Variants in TNNI1 observed in about 807,000 individuals in gnomAD.
TNNI1 encodes the protein troponin I, slow skeletal muscle.
TNNI1 carries 14 observed loss-of-function variants against 26.7 expected under a neutral mutation model. That is an observed-to-expected ratio of 0.52 (90% CI 0.35 to 0.82). The LOEUF is 0.82. TNNI1 is among the 40% of genes least tolerant of loss of function. The probability of loss-of-function intolerance (pLI) is 0.01; values close to 1 mark genes in which losing one functional copy is unlikely to be tolerated. For missense variants in TNNI1, 164 were observed against 257.0 expected (o/e 0.64, Z 2.47); for synonymous variants, 79 against 98.2 (o/e 0.80, Z 1.16).
chr1:201,413,315 A>G (rs1216013883), intron 5 of TNNI1, among the ~76,000 whole-genome samples, 194 bp from the exon 6 acceptor site: 3 of 152,202 alleles, frequency 2.0e-5, no homozygotes, highest in Non-Finnish European at 4.4e-5. Context: ...TCTGAATGTC[A>G]TGATTTCTTA....
intron 3 of TNNI1, among the ~76,000 whole-genome samples, chr1:201,416,289 A>C (rs1050763218): frequency 2.6e-5 from 4 of 152,216 alleles, no homozygotes; most frequent in African/African-American, 9.7e-5. Flanking sequence ...ACCATGGTTT[A>C]CACACTGTAA....
At position 201,421,672 on chromosome 1, in the gene TNNI1, C is replaced by T. The variant is rs1276007611; in HGVS notation, c.-20+1G>A. On this transcript the variant is annotated splice_donor_variant, in intron 1 of 8. Coordinates refer to ENST00000361379, the MANE Select transcript of TNNI1 (RefSeq NM_003281.4). LOFTEE classifies it low-confidence loss of function (5UTR_SPLICE). ...TGAAGTTCTGGGCTGCAGACGCTTA[C>T]CTTGTTCAGTCCTCGTGGAGCTGGG... The T allele has an allele frequency of 6.6e-6, 1 of 152,246 alleles. No individual in the cohort carries two copies. Among genetic ancestry groups the T allele is most frequent in the African/African-American group, 2.4e-5 (1 of 41,454 alleles). The allele number at this position is 152,246 out of a possible 1,614,324, so 9.4% of individuals were successfully genotyped here. A position where few individuals can be genotyped will look rare whatever the true frequency, so the allele number is the denominator to read the frequency against.
At chr1:201,415,397 A>C in intron 3 of TNNI1, 143 bp from the exon 4 acceptor site, 16 of 826,686 alleles carry the variant, frequency 1.9e-5, no homozygotes, top group Non-Finnish European at 3.1e-5. Flanking sequence ...TTAAAAGCTC[A>C]TCTTTGTTAT....
At chr1:201,420,432 C>G (rs372953042) in intron 1 of TNNI1, among the ~76,000 whole-genome samples, 4 of 152,072 alleles carry the variant, frequency 2.6e-5, no homozygotes, top group African/African-American at 9.7e-5. Context: ...AAATCCTCCC[C>G]CCGAGGGGGG....
rs540148803 is a variant in TNNI1 at position 201,411,109 on chromosome 1, C to G, written c.456+248G>C. 6.6e-6 allele frequency among the ~76,000 whole-genome samples: 1 copy of G among 152,356 alleles called. No individual in the cohort carries two copies. Among genetic ancestry groups the G allele is most frequent in the East Asian group, 1.9e-4 (1 of 5,190 alleles). On this transcript the variant is annotated intron_variant, in intron 7 of 8. Coordinates refer to ENST00000361379, the MANE Select transcript of TNNI1 (RefSeq NM_003281.4). The surrounding 1 kb of genome is among the most constrained non-coding windows in gnomAD (Gnocchi z 4.6). ...TGGGAACAAGATTTTTACTTCATTTCTCCGTCTGGGGTCTAGCTTTCTTTA... is the reference window on the plus strand; with the variant it reads ...TGGGAACAAGATTTTTACTTCATTTGTCCGTCTGGGGTCTAGCTTTCTTTA...
chr1:201,417,165 G>A lies in TNNI1; in HGVS notation c.12-46C>T, dbSNP rs74136616. 4.4e-3 allele frequency: 7,057 copies of A among 1,613,476 alleles called. 200 individuals carry two copies. The African/African-American group carries it at 0.074, about 17-fold the overall frequency. On this transcript the variant is annotated intron_variant, in intron 2 of 8. Coordinates refer to ENST00000361379, the MANE Select transcript of TNNI1 (RefSeq NM_003281.4). ...AAGGACGGGGAAAGAGCAGAACACAGAGTGAGTATGAACAATGAGGATTAC... is the reference window on the plus strand; with the variant it reads ...AAGGACGGGGAAAGAGCAGAACACAAAGTGAGTATGAACAATGAGGATTAC...
rs891245362 is a variant in TNNI1, at chr1:201,407,655, G to A, written c.*1598C>T. 2 of 152,222 alleles carry A rather than the reference G, an allele frequency of 1.3e-5. No homozygotes were observed. The highest frequency in any genetic ancestry group is 2.9e-5 in the Non-Finnish European group (2 of 68,064). The allele number at this position is 152,222 out of a possible 1,614,324, so 9.4% of individuals were successfully genotyped here. ...GATAACTCAGCCCCTCCTAGGGCCA[G>A]TGCTAGGGTGGTCGAAAAGCCAAGG... On this transcript the variant is annotated 3_prime_UTR_variant, in exon 9 of 9. Coordinates refer to ENST00000361379, the MANE Select transcript of TNNI1 (RefSeq NM_003281.4).
At chr1:201,420,554 T>C (rs1047047214) in intron 1 of TNNI1, among the ~76,000 whole-genome samples, 1 of 151,982 alleles carries the variant, frequency 6.6e-6, no homozygotes, top group Non-Finnish European at 1.5e-5. Context: ...TGTGTGTAAG[T>C]GTGTGTAAGT....
chr1:201,410,374 C>A lies in TNNI1; in HGVS notation c.518G>T (p.Gly173Val). The change falls in exon 8 of 9, where the codon GGC (glycine) becomes GTC (valine). Residue 173 changes from glycine to valine, a missense_variant. Physicochemically the swap from Gly to Val is moderately radical, Grantham distance 109 (BLOSUM62 -3). Coordinates refer to ENST00000361379, the MANE Select transcript of TNNI1 (RefSeq NM_003281.4). The part of the protein sequence containing the change: ...KNVEAMSGME[G>V]RKKMFDAAKS... ...GGCGGCATCAAACATCTTCTTCCGG[C>A]CTTCCATGCCAGACATGGCCTCCAC... 2 of 1,614,176 alleles carry A rather than the reference C, an allele frequency of 1.2e-6. No homozygotes were observed. Among genetic ancestry groups the A allele is most frequent in the Non-Finnish European group, 1.7e-6 (2 of 1,180,036 alleles).
At chr1:201,417,326 C>T (rs978938671) in intron 2 of TNNI1, among the ~76,000 whole-genome samples, 4 of 152,118 alleles carry the variant, frequency 2.6e-5, no homozygotes, top group African/African-American at 9.7e-5. Context: ...AATTCAACAG[C>T]CCTTTGAACT....
chr1:201,417,672 C>G, intron 2 of TNNI1, 111 bp downstream of exon 2: 1 of 969,246 alleles, frequency 1.0e-6, no homozygotes, highest in Non-Finnish European at 1.4e-6. Flanking sequence ...GACCTGGTCT[C>G]TTAGGGAAAA....
At chr1:201,416,892 C>G (rs1234664118) in intron 3 of TNNI1, among the ~76,000 whole-genome samples, 1 of 152,178 alleles carries the variant, frequency 6.6e-6, no homozygotes, top group Non-Finnish European at 1.5e-5. Flanking sequence ...ACATGGTACA[C>G]TGGCACAGCA....
Position 201,406,710 on chromosome 1 carries a change from A to G in TNNI1, c.*2543T>C, listed in dbSNP as rs181269552. ...AGCCCAGGCCCCATTCTTGGCTACA[A>G]CAGCCCCTTCCATAGATCCCTCTCC... On this transcript the variant is annotated 3_prime_UTR_variant, in exon 9 of 9. Coordinates refer to ENST00000361379, the MANE Select transcript of TNNI1 (RefSeq NM_003281.4). The G allele has an allele frequency of 0.012, 1,851 of 152,490 alleles. 45 individuals carry two copies. Among genetic ancestry groups the G allele is most frequent in the African/African-American group, 0.043 (1,777 of 41,590 alleles). The allele number at this position is 152,490 out of a possible 1,614,324, so 9.4% of individuals were successfully genotyped here.
intron 3 of TNNI1, among the ~76,000 whole-genome samples, chr1:201,416,203 C>T (rs1662737512): frequency 6.6e-6 from 1 of 152,142 alleles, no homozygotes; most frequent in Non-Finnish European, 1.5e-5. Context: ...TTTGTCTTTT[C>T]CTCTCCTAAA....
chr1:201,413,221 G>T, intron 5 of TNNI1, 100 bp from the exon 6 acceptor site: 1 of 1,349,316 alleles, frequency 7.4e-7, no homozygotes, highest in Non-Finnish European at 1.0e-6. Flanking sequence ...GCAAGACCTG[G>T]GATCCAGAGA....
At chr1:201,419,324 C>G (rs971672237) in intron 1 of TNNI1, among the ~76,000 whole-genome samples, 1 of 152,198 alleles carries the variant, frequency 6.6e-6, no homozygotes, top group African/African-American at 2.4e-5. Context: ...CATAATTCAC[C>G]GTCTTGCCTG....
rs183642716 is a variant in TNNI1, at chr1:201,417,817, G to C, written c.-19-5C>G. On this transcript the variant is annotated splice_region_variant and splice_polypyrimidine_tract_variant and intron_variant, in intron 1 of 8. Transcript: ENST00000361379. ...ATGGTGGCAGTGAGACAGCACCTAGGGGGCACAGAGGAATCATTCATAAGG... is the reference window on the plus strand; with the variant it reads ...ATGGTGGCAGTGAGACAGCACCTAGCGGGCACAGAGGAATCATTCATAAGG... 1.5e-6 allele frequency: 2 copies of C among 1,312,874 alleles called. No homozygotes were observed. Among genetic ancestry groups the C allele is most frequent in the Non-Finnish European group, 2.0e-6 (2 of 1,021,700 alleles). The allele number at this position is 1,312,874 out of a possible 1,614,324, so 81.3% of individuals were successfully genotyped here.
intron 3 of TNNI1, among the ~76,000 whole-genome samples, chr1:201,416,448 C>T (rs2102372715): frequency 6.6e-6 from 1 of 152,336 alleles, no homozygotes; most frequent in East Asian, 1.9e-4. Flanking sequence ...TGAAAAGTAA[C>T]ATGTTCAATT....
chr1:201,418,301 T>G (rs554695107), intron 1 of TNNI1, among the ~76,000 whole-genome samples: 1 of 151,906 alleles, frequency 6.6e-6, no homozygotes, highest in African/African-American at 2.4e-5. Context: ...AAACCCCGTC[T>G]CTACTAATGA....
Sources: gnomAD v4.1 joint callset for allele counts (sites outside exome capture counted in the v4.1 genomes callset) on GRCh38, gnomAD v4.1.1 for gene constraint, Gnocchi (gnomAD v3.1) non-coding constraint, MANE v1.5 for transcripts, NCBI Gene and HGNC (gene_info 2026-07-23, HGNC 2026-07-21) for gene names.